Variants in RANBP2 observed in about 807,000 individuals in gnomAD.
RANBP2 encodes E3 SUMO-protein ligase RanBP2.
Under a neutral mutation model 303.6 loss-of-function variants are expected in RANBP2, and 57 were observed. The observed-to-expected ratio is 0.19, with a 90% CI of 0.15 to 0.23. The LOEUF (loss-of-function observed/expected upper bound fraction) is 0.23, where lower values mean the gene tolerates loss of function less well. Among genes scored for constraint, RANBP2 ranks in the 10% least tolerant of loss-of-function variants. The pLI, the probability that RANBP2 is intolerant of heterozygous loss-of-function variation, is 1.00. For synonymous variants in RANBP2, 1,167 were observed against 1,301.5 expected, an observed-to-expected ratio of 0.90 and a Z score of 2.23; for missense variants, 3,138 against 3,780.8, an observed-to-expected ratio of 0.83 and a Z score of 4.46.
At chr2:109,031,883 C>T in the RANBP2 span, among the ~76,000 whole-genome samples, 5 of 151,922 alleles carry the variant, frequency 3.3e-5, no homozygotes, top group South Asian at 8.4e-4. Context: ...CCCGTGAGCG[C>T]TACCACCCAC....
At chr2:108,953,776 G>A in the RANBP2 span, among the ~76,000 whole-genome samples, 1 of 152,204 alleles carries the variant, frequency 6.6e-6, no homozygotes, top group Non-Finnish European at 1.5e-5. Flanking sequence ...GGCAGGTGGA[G>A]AGGCCAGTTA....
chr2:109,103,943 G>A, the RANBP2 span, among the ~76,000 whole-genome samples: 3 of 151,790 alleles, frequency 2.0e-5, no homozygotes, highest in Admixed American at 6.6e-5. Context: ...ACAGGCGCCC[G>A]CCACCACACC....
chr2:109,477,719 A>T, the RANBP2 span, among the ~76,000 whole-genome samples: 5 of 152,010 alleles, frequency 3.3e-5, no homozygotes, highest in African/African-American at 1.2e-4. Flanking sequence ...GACACCACAG[A>T]TTCGGTGTCT....
the RANBP2 span, chr2:109,504,493 TCACACACACAAA>T: frequency 6.9e-6 from 1 of 144,534 alleles, no homozygotes; most frequent in Non-Finnish European, 1.6e-5. Flanking sequence ...TTTGCACAGT[TCACACACACAAA>T]CACACACACC....
chr2:109,536,598 A>G, the RANBP2 span, among the ~76,000 whole-genome samples: 1 of 152,062 alleles, frequency 6.6e-6, no homozygotes, highest in Non-Finnish European at 1.5e-5. Flanking sequence ...CAGACTGTGG[A>G]CTTTTGAGTT....
the RANBP2 span, among the ~76,000 whole-genome samples, chr2:109,461,827 A>G: frequency 6.6e-6 from 1 of 152,178 alleles, no homozygotes; most frequent in Non-Finnish European, 1.5e-5. Context: ...TTTTTGTTCT[A>G]GGTCCTACTC....
At chr2:109,440,148 C>T in the RANBP2 span, among the ~76,000 whole-genome samples, 1 of 152,204 alleles carries the variant, frequency 6.6e-6, no homozygotes, top group Admixed American at 6.5e-5. Context: ...TGTGACATGA[C>T]TGAAGCAAAG....
At chr2:109,501,449 C>G in the RANBP2 span, 1 of 731,462 alleles carries the variant, frequency 1.4e-6, no homozygotes, top group Non-Finnish European at 2.6e-6. Context: ...GAAAGCACGA[C>G]CCAGCAGATG....
At chr2:109,576,871 C>G in the RANBP2 span, among the ~76,000 whole-genome samples, 1 of 151,946 alleles carries the variant, frequency 6.6e-6, no homozygotes, top group African/African-American at 2.4e-5. Flanking sequence ...TATATTTCAT[C>G]AAAGTTTTCA....
At chr2:109,624,918 TA>T in the RANBP2 span, among the ~76,000 whole-genome samples, 1 of 151,400 alleles carries the variant, frequency 6.6e-6, no homozygotes, top group East Asian at 1.9e-4. Context: ...CCGTCTCTAC[TA>T]AAAATACAAA....
chr2:109,439,609 A>G, the RANBP2 span, among the ~76,000 whole-genome samples: 1 of 152,090 alleles, frequency 6.6e-6, no homozygotes, highest in East Asian at 1.9e-4. Context: ...GATTTGTTCT[A>G]CTTGATTAAT....
chr2:109,152,197 T>G, the RANBP2 span, among the ~76,000 whole-genome samples: 41 of 152,310 alleles, frequency 2.7e-4, no homozygotes, highest in African/African-American at 9.9e-4. Context: ...AGAAATAAAT[T>G]ATCACAAAAC....
chr2:109,259,997 C>T, the RANBP2 span, among the ~76,000 whole-genome samples: 38,493 of 151,978 alleles, frequency 0.25, 5,294 homozygotes, highest in East Asian at 0.46. Context: ...TTTTCTTCTC[C>T]GGCCAGAGAT....
the RANBP2 span, among the ~76,000 whole-genome samples, chr2:109,516,703 C>T: frequency 9.2e-5 from 14 of 152,226 alleles, no homozygotes; most frequent in African/African-American, 1.7e-4. Context: ...GCGTGTGAGG[C>T]GCAGGTAACT....
At chr2:108,907,807 G>A in the RANBP2 span, 2 of 1,606,170 alleles carry the variant, frequency 1.2e-6, no homozygotes, top group African/African-American at 2.7e-5. Context: ...TAGTCTTGCG[G>A]CTGTGAGGGA....
At chr2:109,271,604 A>G in the RANBP2 span, among the ~76,000 whole-genome samples, 1 of 152,330 alleles carries the variant, frequency 6.6e-6, no homozygotes, top group East Asian at 1.9e-4. Context: ...TGGAGTGGGG[A>G]CCAACAATGG....
chr2:109,054,470 G>A, the RANBP2 span, among the ~76,000 whole-genome samples: 6 of 152,260 alleles, frequency 3.9e-5, no homozygotes, highest in East Asian at 7.7e-4. Context: ...ATTTTGGGAG[G>A]CCGAGGTGGG....
chr2:109,172,624 C>T, the RANBP2 span, among the ~76,000 whole-genome samples: 1 of 152,188 alleles, frequency 6.6e-6, no homozygotes, highest in Non-Finnish European at 1.5e-5. Flanking sequence ...AGCAGCATCA[C>T]CTCTCCGGAG....
the RANBP2 span, among the ~76,000 whole-genome samples, chr2:109,098,078 G>A: frequency 5.9e-5 from 9 of 152,126 alleles, no homozygotes; most frequent in Non-Finnish European, 1.2e-4. Context: ...CTTGGTGGCC[G>A]CATCACCAGG....
Sources: allele counts gnomAD v4.1 joint callset (sites outside exome capture counted in the v4.1 genomes callset), GRCh38; gene constraint gnomAD v4.1.1; transcripts MANE v1.5; gene names NCBI Gene and HGNC (gene_info 2026-07-23, HGNC 2026-07-21).